The following ACBD3 variants were observed in gnomAD, a reference collection of about 807,000 sequenced individuals.
ACBD3 encodes Golgi resident protein GCP60.
ACBD3 carries 30 observed loss-of-function variants against 66.9 expected under a neutral mutation model. The observed-to-expected ratio is 0.45, with a 90% CI of 0.34 to 0.61. The LOEUF (loss-of-function observed/expected upper bound fraction) is 0.61, where lower values mean the gene tolerates loss of function less well. Among genes scored for constraint, ACBD3 ranks in the 20% least tolerant of loss-of-function variants. The probability of loss-of-function intolerance (pLI) is 0.02; values close to 1 mark genes in which losing one functional copy is unlikely to be tolerated. For synonymous variants in ACBD3, 278 were observed against 259.8 expected (o/e 1.07, Z -0.68); for missense variants, 544 against 664.5 (o/e 0.82, Z 1.99).
At chr1:226,176,045 A>G (rs764458233) in intron 1 of ACBD3, among the ~76,000 whole-genome samples, 1 of 152,230 alleles carries the variant, frequency 6.6e-6, no homozygotes, top group Non-Finnish European at 1.5e-5. Context: ...CAATGTAATC[A>G]TAAGGGTCCT....
chr1:226,148,196 TTTAG>T (rs1332695116), intron 7 of ACBD3: 1 of 152,222 alleles, frequency 6.6e-6, no homozygotes, highest in Admixed American at 6.5e-5. Context: ...AAATATGGAC[TTTAG>T]TTAATTAATG....
chr1:226,168,499 A>C (rs1297559436), intron 1 of ACBD3, among the ~76,000 whole-genome samples: 1 of 152,226 alleles, frequency 6.6e-6, no homozygotes, highest in Non-Finnish European at 1.5e-5. Flanking sequence ...GTTATCAATA[A>C]GGGAAAGTCG....
At chr1:226,163,313 A>G (rs535708565) in intron 3 of ACBD3, among the ~76,000 whole-genome samples, 23 of 152,332 alleles carry the variant, frequency 1.5e-4, no homozygotes, top group African/African-American at 5.1e-4. Context: ...ACAATGCTTA[A>G]GAGAAATATG....
intron 6 of ACBD3, among the ~76,000 whole-genome samples, chr1:226,154,341 G>A (rs1394036266): frequency 1.3e-5 from 2 of 151,802 alleles, no homozygotes; most frequent in African/African-American, 4.8e-5. Flanking sequence ...CCAGAGTGCT[G>A]GGATTACAGG....
intron 5 of ACBD3, 34 bp from the exon 6 acceptor site, chr1:226,154,867 C>A: frequency 6.4e-7 from 1 of 1,552,434 alleles, no homozygotes; most frequent in Non-Finnish European, 8.7e-7. Flanking sequence ...ACACACTGAC[C>A]AGGAAGGCTA....
intron 4 of ACBD3, among the ~76,000 whole-genome samples, 171 bp downstream of exon 4, chr1:226,161,360 C>CATCTCCCAACCTCAGGTG (rs1230308643): frequency 6.6e-6 from 1 of 151,960 alleles, no homozygotes; most frequent in East Asian, 1.9e-4. Context: ...GGATAGTCTC[C>CATCTCCCAACCTCAGGTG]ATCTCCCAAC....
chr1:226,150,342 A>G (rs1287832019), intron 7 of ACBD3, among the ~76,000 whole-genome samples: 2 of 151,976 alleles, frequency 1.3e-5, no homozygotes, highest in Non-Finnish European at 2.9e-5. Context: ...CCAAAAGCTG[A>G]GATTACAGTC....
At chr1:226,155,257 A>C (rs1002723034) in intron 5 of ACBD3, among the ~76,000 whole-genome samples, 2 of 152,092 alleles carry the variant, frequency 1.3e-5, no homozygotes, top group Non-Finnish European at 1.5e-5. Context: ...GTCTCTACTA[A>C]AAATACAAAA....
At chr1:226,177,307 C>G (rs376171510) in intron 1 of ACBD3, among the ~76,000 whole-genome samples, 1 of 151,706 alleles carries the variant, frequency 6.6e-6, no homozygotes, top group South Asian at 2.1e-4. Context: ...ACGCCATTCT[C>G]CTGCCTCAGC....
chr1:226,185,509 A>G (rs1426423640), intron 1 of ACBD3, among the ~76,000 whole-genome samples: 1 of 152,118 alleles, frequency 6.6e-6, no homozygotes, highest in Non-Finnish European at 1.5e-5. Context: ...CATTCGCCCT[A>G]CAAGACTAAG....
chr1:226,146,895 T>C, intron 7 of ACBD3, 74 bp from the exon 8 acceptor site: 4 of 1,405,728 alleles, frequency 2.8e-6, no homozygotes, highest in Non-Finnish European at 4.0e-6. Context: ...AAATCTATCC[T>C]TTCTTTTTTT....
chr1:226,149,455 G>A (rs1411869382), intron 7 of ACBD3, among the ~76,000 whole-genome samples: 1 of 147,354 alleles, frequency 6.8e-6, no homozygotes, highest in Non-Finnish European at 1.5e-5. Context: ...TTGAACTCCT[G>A]ACCTCAGGTG....
At chr1:226,165,207 GTTGCC>G (rs1183106867) in intron 2 of ACBD3, among the ~76,000 whole-genome samples, 23 of 150,900 alleles carry the variant, frequency 1.5e-4, no homozygotes, top group African/African-American at 5.1e-4. Flanking sequence ...ATCTCACTCT[GTTGCC>G]CAGACTGGAG....
intron 1 of ACBD3, among the ~76,000 whole-genome samples, chr1:226,177,006 A>C (rs2102789187): frequency 6.6e-6 from 1 of 152,322 alleles, no homozygotes; most frequent in Middle Eastern, 3.4e-3. Flanking sequence ...CATACAATCA[A>C]ACATAATTGG....
Position 226,146,522 on chromosome 1 carries a change from T to C in ACBD3, c.*88A>G, listed in dbSNP as rs767269763. Reference sequence around the variant, plus strand: ...CAATATCAATAAGGTAAACTGTGACTCTAATGCTCCACAAAAGTAAAAAGA... The same window carrying C: ...CAATATCAATAAGGTAAACTGTGACCCTAATGCTCCACAAAAGTAAAAAGA... On this transcript the variant is annotated 3_prime_UTR_variant, in exon 8 of 8. Transcript: ENST00000366812. 22 of 1,138,380 alleles carry C rather than the reference T, an allele frequency of 1.9e-5. No homozygotes were observed. The highest frequency in any genetic ancestry group is 5.5e-4 in the Middle Eastern group (2 of 3,654). The allele number at this position is 1,138,380 out of a possible 1,614,324, so 70.5% of individuals were successfully genotyped here.
At chr1:226,154,984 C>G in intron 5 of ACBD3, 151 bp from the exon 6 acceptor site, 2 of 480,716 alleles carry the variant, frequency 4.2e-6, no homozygotes. Flanking sequence ...TTTATCCTGT[C>G]TATAATGAAT....
At position 226,145,740 on chromosome 1, in the gene ACBD3, T is replaced by C. The variant is rs1180756116; in HGVS notation, c.*870A>G. The C allele has an allele frequency of 6.6e-6, 1 of 152,666 alleles. No individual in the cohort carries two copies. Among genetic ancestry groups the C allele is most frequent in the Non-Finnish European group, 1.5e-5 (1 of 68,036 alleles). The allele number at this position is 152,666 out of a possible 1,614,324, so 9.5% of individuals were successfully genotyped here. The stretch of plus-strand genomic sequence containing the variant: ...GCTGAATTATATTTAAATGATTTTA[T>C]GTATTTTAATTCAGTAGGTGCCAAT... On this transcript the variant is annotated 3_prime_UTR_variant, in exon 8 of 8. Coordinates refer to ENST00000366812, the MANE Select transcript of ACBD3 (RefSeq NM_022735.4).
chr1:226,157,815 T>G (rs1213486941), intron 5 of ACBD3, among the ~76,000 whole-genome samples: 2 of 152,228 alleles, frequency 1.3e-5, no homozygotes, highest in African/African-American at 4.8e-5. Context: ...GGTGCTGGGA[T>G]TAAAGGCATG....
intron 1 of ACBD3, among the ~76,000 whole-genome samples, chr1:226,178,065 G>GT (rs1028454690): frequency 1.3e-5 from 2 of 151,992 alleles, no homozygotes; most frequent in Non-Finnish European, 2.9e-5. Flanking sequence ...TAAATTTGTG[G>GT]TAATTTGTTA....
Sources: gnomAD v4.1 joint callset for allele counts (sites outside exome capture counted in the v4.1 genomes callset) on GRCh38, gnomAD v4.1.1 for gene constraint, MANE v1.5 for transcripts, NCBI Gene and HGNC (gene_info 2026-07-23, HGNC 2026-07-21) for gene names.